Variants in STMN2 observed in about 807,000 individuals in gnomAD.
STMN2 encodes the protein stathmin-2.
A neutral mutation model predicts 24.1 loss-of-function variants in STMN2; 2 were observed. The observed-to-expected ratio is 0.08, with a 90% CI of 0.03 to 0.26. The LOEUF is 0.26. Ranked by LOEUF, STMN2 falls within the 10% of genes least tolerant of loss-of-function variation. STMN2 has a pLI of 1.00. For missense variants in STMN2, 114 were observed against 213.6 expected (o/e 0.53, Z 2.91); for synonymous variants, 83 against 77.5 (o/e 1.07, Z -0.37).
intron 4 of STMN2, among the ~76,000 whole-genome samples, chr8:79,658,595 C>T (rs958998780): frequency 5.3e-5 from 8 of 152,138 alleles, no homozygotes; most frequent in Non-Finnish European, 7.4e-5. Context: ...CTACACCATG[C>T]GCCCACCCTT....
chr8:79,625,175 T>C (rs939509934), intron 1 of STMN2, among the ~76,000 whole-genome samples: 1 of 152,214 alleles, frequency 6.6e-6, no homozygotes, highest in African/African-American at 2.4e-5. Context: ...TTTTGCACTA[T>C]AGACTTTTTT....
intron 1 of STMN2, among the ~76,000 whole-genome samples, chr8:79,624,138 G>A (rs1809585185): frequency 6.6e-6 from 1 of 152,060 alleles, no homozygotes; most frequent in South Asian, 2.1e-4. Flanking sequence ...ATGGATTGTG[G>A]CAAGCTATAT....
chr8:79,654,502 A>T (rs1810403545), intron 3 of STMN2, among the ~76,000 whole-genome samples: 1 of 152,170 alleles, frequency 6.6e-6, no homozygotes, highest in African/African-American at 2.4e-5. Flanking sequence ...TCAGTCCTCA[A>T]CTGTTTTCCT....
intron 1 of STMN2, among the ~76,000 whole-genome samples, chr8:79,616,360 G>A (rs1809382454): frequency 6.6e-6 from 1 of 152,048 alleles, no homozygotes; most frequent in Non-Finnish European, 1.5e-5. Context: ...CTAATTTTGG[G>A]TATCATCAAA....
At chr8:79,618,372 G>T (rs1167242523) in intron 1 of STMN2, among the ~76,000 whole-genome samples, 1 of 152,186 alleles carries the variant, frequency 6.6e-6, no homozygotes, top group Non-Finnish European at 1.5e-5. Context: ...CTGATGACCA[G>T]TTCCAGAAAT....
intron 3 of STMN2, among the ~76,000 whole-genome samples, chr8:79,647,008 A>G (rs1413508262): frequency 1.3e-5 from 2 of 152,106 alleles, no homozygotes; most frequent in African/African-American, 4.8e-5. Flanking sequence ...TGTGAATGCC[A>G]GGTTAGTGTG....
intron 4 of STMN2, 93 bp downstream of exon 4, chr8:79,655,155 A>G (rs1315683421): frequency 2.0e-6 from 3 of 1,466,900 alleles, no homozygotes; most frequent in Non-Finnish European, 2.8e-6. Flanking sequence ...ACGAAGTCAA[A>G]ATTTGCTGCA....
intron 1 of STMN2, among the ~76,000 whole-genome samples, chr8:79,611,522 T>G (rs906887638): frequency 5.3e-5 from 8 of 152,090 alleles, no homozygotes; most frequent in Non-Finnish European, 1.2e-4. Context: ...CTACCTTAAC[T>G]GTTTGCCTTA....
At chr8:79,655,900 C>T (rs1164859240) in intron 4 of STMN2, among the ~76,000 whole-genome samples, 1 of 152,148 alleles carries the variant, frequency 6.6e-6, no homozygotes, top group African/African-American at 2.4e-5. Context: ...TCACCCTTCC[C>T]GCCAGTAGCA....
chr8:79,652,206 G>A (rs1262554396), intron 3 of STMN2, among the ~76,000 whole-genome samples: 1 of 152,140 alleles, frequency 6.6e-6, no homozygotes, highest in Non-Finnish European at 1.5e-5. Flanking sequence ...ATCCTCCATG[G>A]ATTTCTGTTC....
chr8:79,627,394 A>C (rs1335694133), intron 1 of STMN2, among the ~76,000 whole-genome samples: 1 of 152,198 alleles, frequency 6.6e-6, no homozygotes, highest in Non-Finnish European at 1.5e-5. Context: ...TTTCTGTGAC[A>C]GATAAAATGC....
At chr8:79,621,751 A>C (rs1207374155) in intron 1 of STMN2, among the ~76,000 whole-genome samples, 1 of 152,202 alleles carries the variant, frequency 6.6e-6, no homozygotes, top group African/African-American at 2.4e-5. Context: ...TAGACACTGA[A>C]AATATGAGAG....
Position 79,611,794 on chromosome 8 carries a change from A to G in STMN2, c.19+580A>G, listed in dbSNP as rs940211655. 5.2e-4 allele frequency: 478 copies of G among 918,512 alleles called. 3 individuals are homozygous for G. The highest frequency in any genetic ancestry group is 2.5e-4 in the Admixed American group (4 of 16,126). The allele number at this position is 918,512 out of a possible 1,614,324, so 56.9% of individuals were successfully genotyped here. A position where few individuals can be genotyped will look rare whatever the true frequency, so the allele number is the denominator to read the frequency against. On this transcript the variant is annotated intron_variant, in intron 1 of 4. Transcript: ENST00000220876. ...GTCCTGGGGTGCGGTGCAGGGAGGT[A>G]AGACGGCGGGGGACAGGGTGGGGGT...
chr8:79,618,563 A>AGCAG (rs1016940498), intron 1 of STMN2, among the ~76,000 whole-genome samples: 12 of 152,192 alleles, frequency 7.9e-5, no homozygotes, highest in African/African-American at 1.9e-4. Flanking sequence ...TTACCATCAA[A>AGCAG]GCAGGCAGGC....
intron 1 of STMN2, chr8:79,611,713 GGGGAT>G: frequency 1.0e-6 from 1 of 972,034 alleles, no homozygotes; most frequent in Non-Finnish European, 1.2e-6. Flanking sequence ...GACGGGGGGA[GGGGAT>G]GGAGAGAACT....
chr8:79,638,951 G>A (rs1292228802), intron 2 of STMN2, among the ~76,000 whole-genome samples: 1 of 151,960 alleles, frequency 6.6e-6, no homozygotes, highest in African/African-American at 2.4e-5. Context: ...TAAAATTTAA[G>A]TATAATCTTG....
At chr8:79,663,726 C>G (rs1806546420) in intron 4 of STMN2, 1 of 1,280,634 alleles carries the variant, frequency 7.8e-7, no homozygotes, top group African/African-American at 1.5e-5. Flanking sequence ...AATTTCAATT[C>G]AATGAACATT....
At chr8:79,617,177 T>C (rs2130296714) in intron 1 of STMN2, among the ~76,000 whole-genome samples, 1 of 152,330 alleles carries the variant, frequency 6.6e-6, no homozygotes, top group South Asian at 2.1e-4. Context: ...CTTCTGCTTA[T>C]CTAAGCCAAT....
chr8:79,625,739 C>T (rs1809637143), intron 1 of STMN2, among the ~76,000 whole-genome samples: 2 of 152,064 alleles, frequency 1.3e-5, no homozygotes. Context: ...GGGTGGATCA[C>T]CTGAGTTCAG....
Sources: gnomAD v4.1 joint callset for allele counts (sites outside exome capture counted in the v4.1 genomes callset) on GRCh38, gnomAD v4.1.1 for gene constraint, MANE v1.5 for transcripts, NCBI Gene and HGNC (gene_info 2026-07-23, HGNC 2026-07-21) for gene names.